Variants in NPAS3 observed in about 807,000 individuals in gnomAD.
NPAS3 encodes the protein neuronal PAS domain protein 3.
In NPAS3, 14 loss-of-function variants were observed where a neutral mutation model predicts 73.1. The ratio of observed to expected loss-of-function variants is 0.19; its 90% CI spans 0.13 to 0.30. The LOEUF is 0.30. Ranked by LOEUF, NPAS3 falls within the 10% of genes least tolerant of loss-of-function variation. The pLI, the probability that NPAS3 is intolerant of heterozygous loss-of-function variation, is 1.00. For missense variants in NPAS3, 1,096 were observed against 1,250.0 expected (o/e 0.88, Z 1.86); for synonymous variants, 620 against 541.5 (o/e 1.14, Z -2.01).
chr14:33,621,935 T>C (rs2058087577), intron 5 of NPAS3, among the ~76,000 whole-genome samples: 1 of 152,146 alleles, frequency 6.6e-6, no homozygotes, highest in African/African-American at 2.4e-5. Flanking sequence ...AAACTCCTGC[T>C]TGGAGCCCAT....
At chr14:33,286,396 TAC>T (rs1291219843) in intron 3 of NPAS3, among the ~76,000 whole-genome samples, 1 of 152,212 alleles carries the variant, frequency 6.6e-6, no homozygotes, top group Non-Finnish European at 1.5e-5. Context: ...TATCTGTGGA[TAC>T]AGAGATAGTA....
intron 5 of NPAS3, among the ~76,000 whole-genome samples, chr14:33,674,711 A>G (rs2059709146): frequency 6.6e-6 from 1 of 152,220 alleles, no homozygotes; most frequent in African/African-American, 2.4e-5. Context: ...GCAAGAGAAA[A>G]ATGCCTAATT....
chr14:33,792,405 A>G (rs2063384068), intron 9 of NPAS3, among the ~76,000 whole-genome samples: 1 of 152,116 alleles, frequency 6.6e-6, no homozygotes, highest in Non-Finnish European at 1.5e-5. Context: ...TGCTGTGAGA[A>G]AAAAAAGGAG....
intron 4 of NPAS3, among the ~76,000 whole-genome samples, chr14:33,394,606 T>A (rs748265477): frequency 4.6e-5 from 7 of 152,188 alleles, no homozygotes; most frequent in Admixed American, 2.6e-4. Context: ...ATTTTGTTGT[T>A]CAATGAATTA....
At chr14:33,359,116 A>T (rs1674980395) in intron 3 of NPAS3, among the ~76,000 whole-genome samples, 1 of 152,176 alleles carries the variant, frequency 6.6e-6, no homozygotes. Flanking sequence ...AAGGAGAGAG[A>T]GACAGTGAGA....
intron 1 of NPAS3, among the ~76,000 whole-genome samples, chr14:32,984,463 C>T (rs752337811): frequency 2.6e-5 from 4 of 152,130 alleles, no homozygotes; most frequent in Non-Finnish European, 5.9e-5. Context: ...GGTTTTTCAT[C>T]AACATTTTGT....
Position 33,450,536 on chromosome 14 carries a change from G to A in NPAS3, c.468+83268G>A, listed in dbSNP as rs2049744015. Among the ~76,000 whole-genome samples, 8 of 152,134 alleles carry A rather than the reference G, an allele frequency of 5.3e-5. No homozygotes were observed. The South Asian group carries it at 1.7e-3, about 32-fold the overall frequency. ...AACATCTGAGTCTAGATGATATGTGGAATAATATGTTCTCAATTTTTCAGT... is the reference window on the plus strand; with the variant it reads ...AACATCTGAGTCTAGATGATATGTGAAATAATATGTTCTCAATTTTTCAGT... On this transcript the variant is annotated intron_variant, in intron 4 of 11. Transcript: ENST00000356141.
At chr14:33,644,577 A>G (rs1567082763) in intron 5 of NPAS3, among the ~76,000 whole-genome samples, 1 of 152,174 alleles carries the variant, frequency 6.6e-6, no homozygotes, top group Admixed American at 6.5e-5. Context: ...TAGGAGAGGT[A>G]GTGTCATCTT....
intron 4 of NPAS3, among the ~76,000 whole-genome samples, chr14:33,398,022 C>G (rs533143540): frequency 6.6e-6 from 1 of 152,224 alleles, no homozygotes; most frequent in South Asian, 2.1e-4. Flanking sequence ...ATTATCTTTT[C>G]AGTACACCAA....
At chr14:33,156,305 GGC>G (rs996245884) in intron 2 of NPAS3, among the ~76,000 whole-genome samples, 6 of 152,102 alleles carry the variant, frequency 3.9e-5, no homozygotes, top group Non-Finnish European at 7.4e-5. Flanking sequence ...TTGTCACAGT[GGC>G]CTTGTTTTTA....
At chr14:33,605,508 A>G (rs971575020) in intron 5 of NPAS3, among the ~76,000 whole-genome samples, 6 of 152,110 alleles carry the variant, frequency 3.9e-5, no homozygotes, top group Non-Finnish European at 7.4e-5. Context: ...ACAAAAGACT[A>G]CTAGAACTAA....
Position 33,563,537 on chromosome 14 carries a change from C to CAGAGAG in NPAS3, c.558+3350_558+3355dup, listed in dbSNP as rs1286632432. 7.2e-4 allele frequency among the ~76,000 whole-genome samples: 86 copies of CAGAGAG among 119,544 alleles called. 1 individual carries two copies. The highest frequency in any genetic ancestry group is 4.4e-3 in the Middle Eastern group (1 of 228). The allele number at this position is 119,544 out of a possible 152,430, so 78.4% of individuals were successfully genotyped here. A position where few individuals can be genotyped will look rare whatever the true frequency, so the allele number is the denominator to read the frequency against. ...ATACATACACACACACACACACACA[C>CAGAGAG]AGAGAGAGAGAGAGAGAGAGAGAGA... On this transcript the variant is annotated intron_variant, in intron 5 of 11. Transcript: ENST00000356141.
At chr14:33,691,716 G>GGC (rs1311900291) in intron 6 of NPAS3, among the ~76,000 whole-genome samples, 1 of 152,150 alleles carries the variant, frequency 6.6e-6, no homozygotes, top group East Asian at 1.9e-4. Flanking sequence ...TTCATAGTAA[G>GGC]GCAAAGAAAA....
intron 3 of NPAS3, among the ~76,000 whole-genome samples, chr14:33,230,612 G>A (rs938014628): frequency 6.6e-6 from 1 of 152,036 alleles, no homozygotes; most frequent in Non-Finnish European, 1.5e-5. Flanking sequence ...ATTTAATACA[G>A]ACTTATTCTA....
chr14:33,678,838 A>T (rs1012649615), intron 6 of NPAS3, among the ~76,000 whole-genome samples: 1 of 152,154 alleles, frequency 6.6e-6, no homozygotes, highest in East Asian at 1.9e-4. Flanking sequence ...AAGCCCAAAT[A>T]AATATGTCAA....
chr14:33,397,432 G>A (rs1173756138), intron 4 of NPAS3, among the ~76,000 whole-genome samples: 1 of 152,006 alleles, frequency 6.6e-6, no homozygotes, highest in African/African-American at 2.4e-5. Flanking sequence ...CAGTTACCAA[G>A]CCACAAAGCT....
intron 2 of NPAS3, among the ~76,000 whole-genome samples, chr14:33,063,022 G>A (rs932461181): frequency 2.6e-5 from 4 of 152,116 alleles, no homozygotes; most frequent in East Asian, 1.9e-4. Context: ...CATTGCTAGC[G>A]GTGGTTAAAT....
At chr14:33,006,319 A>G (rs563052192) in intron 1 of NPAS3, among the ~76,000 whole-genome samples, 52 of 152,264 alleles carry the variant, frequency 3.4e-4, no homozygotes, top group Middle Eastern at 3.4e-3. Flanking sequence ...TCATAATAAC[A>G]CTAGGACAAC....
intron 2 of NPAS3, among the ~76,000 whole-genome samples, chr14:33,192,896 A>AGTGGTAGGAACTCCCTTTTAAGTGGCG (rs2046222002): frequency 1.3e-5 from 2 of 152,092 alleles, no homozygotes; most frequent in Non-Finnish European, 2.9e-5. Flanking sequence ...TTTAAGTGGC[A>AGTGGTAGGAACTCCCTTTTAAGTGGCG]CCTTCTGTGT....
Sources: allele counts gnomAD v4.1 joint callset (sites outside exome capture counted in the v4.1 genomes callset), GRCh38; gene constraint gnomAD v4.1.1; transcripts MANE v1.5; gene names NCBI Gene and HGNC (gene_info 2026-07-23, HGNC 2026-07-21).